Variants in CPNE7 observed in about 807,000 individuals in gnomAD.
The protein encoded by CPNE7 is copine-7.
A neutral mutation model predicts 66.5 loss-of-function variants in CPNE7; 78 were observed. The observed-to-expected ratio is 1.17, with a 90% CI of 0.98 to 1.42. The LOEUF is 1.42. Among genes scored for constraint, CPNE7 ranks in the 40% most tolerant of loss-of-function variants. CPNE7 has a pLI of 0.00. For missense variants in CPNE7, 1,012 were observed against 776.6 expected (o/e 1.30, Z -3.60); for synonymous variants, 468 against 336.7 (o/e 1.39, Z -4.27).
chr16:89,578,610 A>AG (rs1185797504), intron 2 of CPNE7, among the ~76,000 whole-genome samples: 4 of 151,124 alleles, frequency 2.6e-5, no homozygotes, highest in Non-Finnish European at 4.4e-5. Context: ...AAGTACAATA[A>AG]TTAGCCGGGC....
chr16:89,579,408 A>C (rs1242275941), intron 2 of CPNE7, among the ~76,000 whole-genome samples: 1 of 152,110 alleles, frequency 6.6e-6, no homozygotes, highest in African/African-American at 2.4e-5. Flanking sequence ...GTCACACGGA[A>C]CATCTCACCT....
In CPNE7 at chr16:89,575,780, C is replaced by A. The variant is rs1240295932; in HGVS notation, c.-118C>A. ...GCCACGTGCGCCCGCGCCCGGCAGG[C>A]GTTCAGGGAAGCGCGGCCACGCCTG... On this transcript the variant is annotated 5_prime_UTR_variant, in exon 1 of 15. Coordinates refer to ENST00000319518, the MANE Select transcript of CPNE7 (RefSeq NM_153636.3). The A allele has an allele frequency of 2.8e-6, 2 of 723,258 alleles. No individual in the cohort carries two copies. The highest frequency in any genetic ancestry group is 1.9e-5 in the African/African-American group (1 of 51,800). 44.8% of individuals were successfully genotyped at this position (723,258 alleles called of 1,614,324 possible).
At chr16:89,586,025 TAGCA>T (rs2059032850) in intron 7 of CPNE7, among the ~76,000 whole-genome samples, 2 of 43,968 alleles carry the variant, frequency 4.5e-5, no homozygotes, top group Non-Finnish European at 8.5e-5. Context: ...GAGGGGCAGT[TAGCA>T]GGGGGAGGGG....
chr16:89,596,014 A>G (rs461227), intron 14 of CPNE7: 136,163 of 475,624 alleles, frequency 0.29, 24,605 homozygotes, highest in East Asian at 0.82. Context: ...TCTACCAGGC[A>G]AGACACACAT....
intron 3 of CPNE7, 126 bp from the exon 4 acceptor site, chr16:89,583,902 G>C (rs1161116318): frequency 3.5e-6 from 5 of 1,435,632 alleles, no homozygotes; most frequent in East Asian, 4.8e-5. Context: ...ACACAGCCCC[G>C]GGGGTACACA....
At position 89,588,770 on chromosome 16, in the gene CPNE7, A is replaced by C; in HGVS notation, c.1023A>C (p.Ala341=). ...ACCAGCCGAACGAGTACCTGAAGGC[A>C]CTGGTGTCCGTGGGCGAGATCTGCC... ...NPYQPNEYLK[A]LVSVGEICQD... is the part of the protein sequence containing the mutation. The change falls in exon 10 of 15, where the codon GCA becomes GCC. Residue 341 remains alanine, a synonymous_variant. Transcript: ENST00000319518. 1.2e-6 allele frequency: 2 copies of C among 1,613,690 alleles called. No homozygotes were observed. The highest frequency in any genetic ancestry group is 1.7e-6 in the Non-Finnish European group (2 of 1,179,956).
chr16:89,583,768 C>G lies in CPNE7; in HGVS notation c.429C>G (p.Ile143Met). 6.2e-7 allele frequency: 1 copy of G among 1,612,666 alleles called. No individual in the cohort carries two copies. Among genetic ancestry groups the G allele is most frequent in the Non-Finnish European group, 8.5e-7 (1 of 1,179,896 alleles). The change falls in exon 3 of 15, where the codon ATC becomes ATG. Residue 143 changes from isoleucine (I) to methionine (M), a missense_variant. Ile to Met is a conservative substitution (Grantham distance 10). Coordinates refer to ENST00000319518, the MANE Select transcript of CPNE7 (RefSeq NM_153636.3). ...GCAGGAACGCTGGCAAGTCCACCATCACGGTGAGACCCGGGCGCACCCCTG... is the reference window on the plus strand; with the variant it reads ...GCAGGAACGCTGGCAAGTCCACCATGACGGTGAGACCCGGGCGCACCCCTG... ...KFGRNAGKST[I>M]TVIAEDISGN...
chr16:89,587,957 T>C (rs200599846), intron 9 of CPNE7, among the ~76,000 whole-genome samples: 149 of 672 alleles, frequency 0.22, 56 homozygotes, highest in East Asian at 0.56. Flanking sequence ...CCCCCCGTGT[T>C]ACCCACAGAT....
chr16:89,575,989 G>T lies in CPNE7; in HGVS notation c.92G>T (p.Arg31Leu). 1 of 1,377,968 alleles carries T rather than the reference G, an allele frequency of 7.3e-7. No individual in the cohort carries two copies. Among genetic ancestry groups the T allele is most frequent in the South Asian group, 1.6e-5 (1 of 63,056 alleles). The allele number at this position is 1,377,968 out of a possible 1,614,324, so 85.4% of individuals were successfully genotyped here. A position where few individuals can be genotyped will look rare whatever the true frequency, so the allele number is the denominator to read the frequency against. Residue 31 changes from arginine (R) to leucine (L), a missense_variant, in exon 1 of 15, where the codon CGG becomes CTG. By Grantham distance (102) the Arg-to-Leu change is moderately radical. Coordinates refer to ENST00000319518, the MANE Select transcript of CPNE7 (RefSeq NM_153636.3). ...AAGGTGGAGCTGCGGCTCAGCTGCC[G>T]GCACCTGCTGGACCGCGACCCGCTC... ...ASKVELRLSC[R>L]HLLDRDPLTK...
In CPNE7 at chr16:89,596,756, C is replaced by A; in HGVS notation, c.*135C>A. On this transcript the variant is annotated 3_prime_UTR_variant, in exon 15 of 15. Transcript: ENST00000319518. ...TCCCCACCAGGCCCCACTCCCAGTC[C>A]TCCTGGGATCCTGCTGGCTTGGGCC... 1 of 1,118,182 alleles carries A rather than the reference C, an allele frequency of 8.9e-7. No homozygotes were observed. The highest frequency in any genetic ancestry group is 1.2e-6 in the Non-Finnish European group (1 of 846,936). 69.3% of individuals were successfully genotyped at this position (1,118,182 alleles called of 1,614,324 possible). A position where few individuals can be genotyped will look rare whatever the true frequency, so the allele number is the denominator to read the frequency against.
chr16:89,578,947 T>C (rs1209660640), intron 2 of CPNE7: 2 of 1,612,998 alleles, frequency 1.2e-6, no homozygotes, highest in East Asian at 4.5e-5. Flanking sequence ...CTTCCTGTGC[T>C]GCACGGAATC....
chr16:89,584,322 G>A lies in CPNE7; in HGVS notation c.507+220G>A, dbSNP rs1216674492. 6.6e-6 allele frequency among the ~76,000 whole-genome samples: 1 copy of A among 152,224 alleles called. No individual in the cohort carries two copies. Among genetic ancestry groups the A allele is most frequent in the African/African-American group, 2.4e-5 (1 of 41,468 alleles). On this transcript the variant is annotated intron_variant, in intron 4 of 14. Coordinates refer to ENST00000319518, the MANE Select transcript of CPNE7 (RefSeq NM_153636.3). The surrounding 1 kb of genome is among the most constrained non-coding windows in gnomAD (Gnocchi z 6.0). Reference sequence around the variant, plus strand: ...TGGCAGCTGGGCTGGGGCTGGGGCAGCTCCCTCCTGTGGGGACCACTCATG... The same window carrying A: ...TGGCAGCTGGGCTGGGGCTGGGGCAACTCCCTCCTGTGGGGACCACTCATG...
chr16:89,595,977 G>A, intron 14 of CPNE7: 1 of 502,984 alleles, frequency 2.0e-6, no homozygotes, highest in East Asian at 5.4e-5. Context: ...GTTCTACCCG[G>A]TGAGACGCAC....
chr16:89,583,794 C>T (rs1343597283), intron 3 of CPNE7, 23 bp downstream of exon 3: 1 of 1,611,122 alleles, frequency 6.2e-7, no homozygotes, highest in Non-Finnish European at 8.5e-7. Flanking sequence ...CGCACCCCTG[C>T]AGCCTGCAGG....
chr16:89,586,990 C>T lies in CPNE7; in HGVS notation c.868-53C>T, dbSNP rs1247484125. 1.3e-5 allele frequency: 20 copies of T among 1,526,744 alleles called. 1 individual carries two copies. Among genetic ancestry groups the T allele is most frequent in the Middle Eastern group, 3.5e-4 (2 of 5,746 alleles). The allele number at this position is 1,526,744 out of a possible 1,614,324, so 94.6% of individuals were successfully genotyped here. On this transcript the variant is annotated intron_variant, in intron 8 of 14. Transcript: ENST00000319518. ...GGAGGCAGGCCTGGATCCCAGCTGGCACTGGCCTCAGTGTCCCTGGCGGGG... is the reference window on the plus strand; with the variant it reads ...GGAGGCAGGCCTGGATCCCAGCTGGTACTGGCCTCAGTGTCCCTGGCGGGG...
Position 89,587,028 on chromosome 16 carries a change from T to A in CPNE7, c.868-15T>A, listed in dbSNP as rs773493541. ...GTCCCTGGCGGGGGTGGACGCTGAC[T>A]CCGCCGGCCGGAAGTTCCACAGGGT... On this transcript the variant is annotated splice_polypyrimidine_tract_variant and intron_variant, in intron 8 of 14. Coordinates refer to ENST00000319518, the MANE Select transcript of CPNE7 (RefSeq NM_153636.3). 1 of 1,572,848 alleles carries A rather than the reference T, an allele frequency of 6.4e-7. No homozygotes were observed. Among genetic ancestry groups the A allele is most frequent in the Non-Finnish European group, 8.6e-7 (1 of 1,158,898 alleles).
rs538695613 is a variant in CPNE7 at position 89,591,369 on chromosome 16, C to G, written c.1302+109C>G. 5.0e-6 allele frequency: 7 copies of G among 1,402,640 alleles called. No individual in the cohort carries two copies. In the African/African-American group the frequency reaches 8.7e-5, roughly 17 times the overall value. The allele number at this position is 1,402,640 out of a possible 1,614,324, so 86.9% of individuals were successfully genotyped here. ...GCAGAGGGAACAGCCAGCGCAGAGG[C>G]CCCCAGGCAGGACAGAGCTCAGGAG... On this transcript the variant is annotated intron_variant, in intron 13 of 14. Transcript: ENST00000319518.
chr16:89,588,101 C>T (rs533159241), intron 9 of CPNE7, among the ~76,000 whole-genome samples: 6 of 60,948 alleles, frequency 9.8e-5, no homozygotes, highest in East Asian at 7.0e-4. Context: ...GCCCCCGTGT[C>T]ACCCACAGAT....
chr16:89,589,242 A>G (rs1411746524), intron 10 of CPNE7, among the ~76,000 whole-genome samples: 1 of 152,198 alleles, frequency 6.6e-6, no homozygotes, highest in Non-Finnish European at 1.5e-5. Flanking sequence ...CAGTGAGTCA[A>G]GATCACACCT....
Sources: gnomAD v4.1 joint callset for allele counts (sites outside exome capture counted in the v4.1 genomes callset) on GRCh38, gnomAD v4.1.1 for gene constraint, Gnocchi (gnomAD v3.1) non-coding constraint, MANE v1.5 for transcripts, NCBI Gene and HGNC (gene_info 2026-07-23, HGNC 2026-07-21) for gene names.